The following GRAMD4 variants were observed in gnomAD, a reference collection of about 807,000 sequenced individuals.
The protein encoded by GRAMD4 is GRAM domain-containing protein 4.
In GRAMD4, 25 loss-of-function variants were observed where a neutral mutation model predicts 83.9. That is an observed-to-expected ratio of 0.30 (90% CI 0.22 to 0.42). The LOEUF is 0.42. Ranked by LOEUF, GRAMD4 falls within the 10% of genes least tolerant of loss-of-function variation. GRAMD4 has a pLI of 1.00. For missense variants in GRAMD4, 593 were observed against 788.7 expected (o/e 0.75, Z 2.97); for synonymous variants, 336 against 320.9 (o/e 1.05, Z -0.50).
chr22:46,661,555 G>C, intron 5 of GRAMD4, 113 bp downstream of exon 5: 1 of 771,948 alleles, frequency 1.3e-6, no homozygotes, highest in Non-Finnish European at 2.2e-6. Context: ...TCCCCCAGCA[G>C]GTGGGCAGGC....
At chr22:46,615,671 G>A (rs2081475445), upstream of GRAMD4, among the ~76,000 whole-genome samples, 1 of 23,046 alleles carries the variant, frequency 4.3e-5, no homozygotes, top group Non-Finnish European at 1.1e-4. Flanking sequence ...CCCGTGCGTA[G>A]GTTCCCCTGT....
At chr22:46,587,818 A>G in intron 1 of GRAMD4, 1 of 732,840 alleles carries the variant, frequency 1.4e-6, no homozygotes, top group Non-Finnish European at 1.7e-6. Flanking sequence ...TGGAGGTGGC[A>G]GATGTTTGGT....
intron 18 of GRAMD4, 65 bp from the exon 19 acceptor site, chr22:46,677,082 T>C: frequency 6.3e-7 from 1 of 1,594,398 alleles, no homozygotes; most frequent in African/African-American, 1.4e-5. Context: ...GGACTTCGTC[T>C]CGGTCCTGGT....
chr22:46,613,981 G>A (rs1827572389), intron 1 of GRAMD4, among the ~76,000 whole-genome samples: 1 of 152,246 alleles, frequency 6.6e-6, no homozygotes, highest in South Asian at 2.1e-4. Context: ...GGCCGCGGCT[G>A]CAGCAGTGTG....
intron 7 of GRAMD4, 38 bp downstream of exon 7, chr22:46,663,901 CAG>C: frequency 6.2e-7 from 1 of 1,609,526 alleles, no homozygotes; most frequent in Non-Finnish European, 8.5e-7. Flanking sequence ...CCACGATGCT[CAG>C]TGTGGGTGGG....
At chr22:46,673,859 A>T (rs2082552797) in intron 15 of GRAMD4, 45 bp downstream of exon 15, 1 of 1,605,336 alleles carries the variant, frequency 6.2e-7, no homozygotes. Flanking sequence ...GCCGACACAG[A>T]CTGAAGGCCC....
Position 46,672,836 on chromosome 22 carries a change from C to T in GRAMD4, c.1085-7C>T, listed in dbSNP as rs1232095578. 3 of 1,608,840 alleles carry T rather than the reference C, an allele frequency of 1.9e-6. No homozygotes were observed. Among genetic ancestry groups the T allele is most frequent in the Admixed American group, 3.3e-5 (2 of 59,864 alleles). On this transcript the variant is annotated splice_region_variant and splice_polypyrimidine_tract_variant and intron_variant, in intron 13 of 18. Transcript: ENST00000406902. This position sits in a 1 kb window ranked among gnomAD's most constrained non-coding sequence, Gnocchi z 4.7. ...TAGATGGAGCAGGCTGTGTCCCCTG[C>T]CCTCAGGACTCTATGCTGGTATCAA...
At chr22:46,673,549 C>A in intron 14 of GRAMD4, 121 bp from the exon 15 acceptor site, 1 of 1,260,646 alleles carries the variant, frequency 7.9e-7, no homozygotes, top group Non-Finnish European at 1.1e-6. Flanking sequence ...CGGAAGGGAC[C>A]TCGGGAACGT....
At chr22:46,617,440 GTT>G (rs1229110725), upstream of GRAMD4, among the ~76,000 whole-genome samples, 1 of 146,216 alleles carries the variant, frequency 6.8e-6, no homozygotes, top group African/African-American at 2.6e-5. Context: ...CTGGGTGTAG[GTT>G]CCCCCCATAC....
downstream of GRAMD4, chr22:46,682,300 G>C: frequency 2.6e-6 from 1 of 378,062 alleles, no homozygotes; most frequent in Non-Finnish European, 3.6e-6. Flanking sequence ...ACATGTCACA[G>C]CTGGCATCGC....
At chr22:46,680,774 C>A (rs1468486331), downstream of GRAMD4, among the ~76,000 whole-genome samples, 1 of 126,472 alleles carries the variant, frequency 7.9e-6, no homozygotes, top group African/African-American at 3.2e-5. Context: ...ATCCATCCAT[C>A]CATCCACCCA....
chr22:46,645,165 C>T (rs1420734466), intron 3 of GRAMD4, among the ~76,000 whole-genome samples: 1 of 151,902 alleles, frequency 6.6e-6, no homozygotes, highest in African/African-American at 2.4e-5. Flanking sequence ...TGTTTTTATA[C>T]CCCAAGCATG....
At chr22:46,666,095 C>T (rs2147366980) in intron 9 of GRAMD4, among the ~76,000 whole-genome samples, 1 of 152,208 alleles carries the variant, frequency 6.6e-6, no homozygotes, top group East Asian at 1.9e-4. Context: ...AGGAGCTGGA[C>T]CGGGAATGAG....
At chr22:46,654,567 G>A (rs2082215204) in intron 3 of GRAMD4, among the ~76,000 whole-genome samples, 1 of 152,228 alleles carries the variant, frequency 6.6e-6, no homozygotes, top group Non-Finnish European at 1.5e-5. Context: ...CTGGGTGGAG[G>A]TCCCTGCAGG....
upstream of GRAMD4, among the ~76,000 whole-genome samples, chr22:46,576,935 G>C (rs13433656): frequency 0.24 from 34,625 of 145,572 alleles, 4,337 homozygotes; most frequent in Middle Eastern, 0.33. Context: ...TGACCGAGCT[G>C]GCGCACGCGG....
rs2081667621 is a variant in GRAMD4 at position 46,626,807 on chromosome 22, G to C, written c.8G>C (p.Arg3Thr). Reference protein sequence around the residue: MLRRLDKIRFRGH... With the variant: MLTRLDKIRFRGH... ...AGGACCTCAGTGCTGAACATGCTAA[G>C]GAGGTTGGACAAAATCAGGTTCAGA... The change falls in exon 2 of 19, where the codon AGG becomes ACG. Residue 3 changes from arginine (R) to threonine (T), a missense_variant. Coordinates refer to ENST00000406902, the MANE Select transcript of GRAMD4 (RefSeq NM_015124.5). 1 of 1,613,866 alleles carries C rather than the reference G, an allele frequency of 6.2e-7. No homozygotes were observed.
upstream of GRAMD4, among the ~76,000 whole-genome samples, chr22:46,618,797 G>A (rs1171117602): frequency 3.6e-5 from 5 of 137,186 alleles, no homozygotes; most frequent in South Asian, 4.3e-4. This position sits in a 1 kb window ranked among gnomAD's most constrained non-coding sequence, Gnocchi z 5.8. Flanking sequence ...TGCGGCCGGC[G>A]TGCGCTGCAG....
Position 46,679,111 on chromosome 22 carries a change from AGAGGCAGTG to A in GRAMD4, c.*1861_*1869del. On this transcript the variant is annotated 3_prime_UTR_variant, in exon 19 of 19. Coordinates refer to ENST00000406902, the MANE Select transcript of GRAMD4 (RefSeq NM_015124.5). ...CTGACCCACCCCCAGGGGCGGCTGC[AGAGGCAGTG>A]CCCGCAGACAATGGCCACACCTCTC... 1 of 985,518 alleles carries A rather than the reference AGAGGCAGTG, an allele frequency of 1.0e-6. No homozygotes were observed. Among genetic ancestry groups the A allele is most frequent in the Non-Finnish European group, 1.2e-6 (1 of 829,968 alleles). 61.0% of individuals were successfully genotyped at this position (985,518 alleles called of 1,614,324 possible).
chr22:46,613,017 G>T (rs1294226379), intron 1 of GRAMD4, among the ~76,000 whole-genome samples: 2 of 152,244 alleles, frequency 1.3e-5, no homozygotes, highest in Non-Finnish European at 2.9e-5. Context: ...CAGCGTCTTG[G>T]GATGGTCTCA....
Sources: gnomAD v4.1 joint callset for allele counts (sites outside exome capture counted in the v4.1 genomes callset) on GRCh38, gnomAD v4.1.1 for gene constraint, Gnocchi (gnomAD v3.1) non-coding constraint, MANE v1.5 for transcripts, NCBI Gene and HGNC (gene_info 2026-07-23, HGNC 2026-07-21) for gene names.